The following TMEM94 variants were observed in gnomAD, a reference collection of about 807,000 sequenced individuals.
TMEM94 encodes the protein transmembrane protein 94.
In TMEM94, 81 loss-of-function variants were observed where a neutral mutation model predicts 158.6. That is an observed-to-expected ratio of 0.51 (90% CI 0.43 to 0.61). TMEM94 has a LOEUF of 0.61. Ranked by LOEUF, TMEM94 falls within the 20% of genes least tolerant of loss-of-function variation. TMEM94 has a pLI of 0.00. For synonymous variants in TMEM94, 751 were observed against 730.7 expected, an observed-to-expected ratio of 1.03 and a Z score of -0.45; for missense variants, 1,435 against 1,762.0, an observed-to-expected ratio of 0.81 and a Z score of 3.32.
At chr17:75,471,546 C>T (rs1490979550) in intron 1 of TMEM94, among the ~76,000 whole-genome samples, 3 of 152,072 alleles carry the variant, frequency 2.0e-5, no homozygotes, top group Non-Finnish European at 2.9e-5. Flanking sequence ...CATGGCAAAA[C>T]CCTGTCTCTA....
At position 75,485,894 on chromosome 17, in the gene TMEM94, C is replaced by T; in HGVS notation, c.168C>T (p.Leu56=). The part of the protein sequence containing the change: ...TWKEVWRSSF[L]HHSNRCSCFH... ...AGGAGGTGTGGAGAAGCAGCTTCCT[C>T]CACCACAGTAACCGCTGCTCCTGCT... The change falls in exon 4 of 32, where the codon CTC becomes CTT. Residue 56 remains leucine (L), a synonymous_variant. Transcript: ENST00000314256. This position sits in a 1 kb window ranked among gnomAD's most constrained non-coding sequence, Gnocchi z 5.5. The T allele has an allele frequency of 1.2e-6, 2 of 1,613,172 alleles. No individual in the cohort carries two copies. The highest frequency in any genetic ancestry group is 8.5e-7 in the Non-Finnish European group (1 of 1,179,648).
rs760923987 is a variant in TMEM94, at chr17:75,493,583, G to A, written c.2179G>A (p.Gly727Arg). 7.4e-6 allele frequency: 12 copies of A among 1,613,856 alleles called. No homozygotes were observed. In the Admixed American group the frequency reaches 1.0e-4, roughly 13 times the overall value. The change falls in exon 17 of 32, where the codon GGA becomes AGA. Residue 727 changes from glycine to arginine, a missense_variant. By Grantham distance (125) the Gly-to-Arg change is moderately radical. Around this residue, in one of 3 missense-constraint regions of TMEM94, gnomAD observed 1,051 missense variants for 1,254.4 expected, o/e 0.84. Transcript: ENST00000314256. ...WDGADIYPLSGSDRKKVLDFY... is the reference protein window; with the variant it reads ...WDGADIYPLSRSDRKKVLDFY... ...CGGAGCTGACATCTACCCTCTCTCGGGATCTGACAGGTGGGTGAGGAAGCA... is the reference window on the plus strand; with the variant it reads ...CGGAGCTGACATCTACCCTCTCTCGAGATCTGACAGGTGGGTGAGGAAGCA...
At chr17:75,464,610 CCTTT>C (rs869299716) in intron 1 of TMEM94, among the ~76,000 whole-genome samples, 4 of 75,894 alleles carry the variant, frequency 5.3e-5, no homozygotes, top group East Asian at 4.2e-4. Flanking sequence ...TTCTTTCCTT[CCTTT>C]CTTTCTTTCC....
chr17:75,460,203 T>C (rs1038117184), intron 1 of TMEM94, among the ~76,000 whole-genome samples: 1 of 152,098 alleles, frequency 6.6e-6, no homozygotes, highest in Non-Finnish European at 1.5e-5. Flanking sequence ...GTGAGGGGTG[T>C]CAGAGAGAAG....
Position 75,491,503 on chromosome 17 carries a change from GGCT to G in TMEM94, c.1386+50_1386+52del, listed in dbSNP as rs754512907. The G allele has an allele frequency of 1.9e-6, 3 of 1,613,374 alleles. No individual in the cohort carries two copies. In the East Asian group the frequency reaches 6.7e-5, roughly 36 times the overall value. ...CTCCCATGGGCCCGACTCTGGGCCA[GGCT>G]GTTTAGCCTTGGAGCCTGGCCAGGG... On this transcript the variant is annotated intron_variant, in intron 13 of 31. Coordinates refer to ENST00000314256, the MANE Select transcript of TMEM94 (RefSeq NM_014738.6). The surrounding 1 kb of genome is among the most constrained non-coding windows in gnomAD (Gnocchi z 5.1).
chr17:75,465,651 ATT>A (rs34178189), intron 1 of TMEM94, among the ~76,000 whole-genome samples: 1 of 119,856 alleles, frequency 8.3e-6, no homozygotes, highest in East Asian at 2.1e-4. Flanking sequence ...AGCTATAAGA[ATT>A]TTTATATATA....
chr17:75,496,916 T>TC, intron 25 of TMEM94, 109 bp downstream of exon 25: 6 of 1,261,804 alleles, frequency 4.8e-6, no homozygotes, highest in Middle Eastern at 2.5e-4. Context: ...AGTCAAGGGG[T>TC]CCCCCCAGAG....
chr17:75,457,877 G>A (rs2049942501), intron 1 of TMEM94, among the ~76,000 whole-genome samples: 1 of 152,104 alleles, frequency 6.6e-6, no homozygotes, highest in Non-Finnish European at 1.5e-5. Context: ...GTGACCTGAG[G>A]AGATCAAGTT....
chr17:75,478,003 C>CTTTTTTT lies in TMEM94; in HGVS notation c.24+6098_24+6104dup, dbSNP rs909668190. On this transcript the variant is annotated intron_variant, in intron 2 of 31. Transcript: ENST00000314256. ...CCTGGGCAACAAAGCGAGACTCCAT[C>CTTTTTTT]TTTTTTTTTTTTTTTTTTTTTTTTT... is the stretch of plus-strand genomic sequence containing the variant. Among the ~76,000 whole-genome samples, 459 of 57,914 alleles carry CTTTTTTT rather than the reference C, an allele frequency of 7.9e-3. 96 individuals are homozygous for CTTTTTTT. The highest frequency in any genetic ancestry group is 0.033 in the African/African-American group (316 of 9,556). 38.0% of individuals were successfully genotyped at this position (57,914 alleles called of 152,430 possible). A position where few individuals can be genotyped will look rare whatever the true frequency, so the allele number is the denominator to read the frequency against.
chr17:75,491,705 C>T lies in TMEM94; in HGVS notation c.1401C>T (p.Asp467=), dbSNP rs770442538. 9.9e-6 allele frequency: 16 copies of T among 1,614,064 alleles called. No homozygotes were observed. Among genetic ancestry groups the T allele is most frequent in the East Asian group, 4.5e-5 (2 of 44,886 alleles). ...SFCHPEPHER[D]ALLAGSLNNT... ...ATTCTCTTCAGCCCCATGAACGAGA[C>T]GCCCTCCTGGCTGGCTCCCTGAACA... Residue 467 remains aspartate (D), a synonymous_variant, in exon 14 of 32, where the codon GAC becomes GAT. Coordinates refer to ENST00000314256, the MANE Select transcript of TMEM94 (RefSeq NM_014738.6). This position sits in a 1 kb window ranked among gnomAD's most constrained non-coding sequence, Gnocchi z 5.1.
intron 11 of TMEM94, 89 bp from the exon 12 acceptor site, chr17:75,490,960 G>A: frequency 8.8e-7 from 1 of 1,138,108 alleles, no homozygotes; most frequent in Admixed American, 2.2e-5. Flanking sequence ...CAACTTCGTG[G>A]TGCTCCCCTG....
intron 2 of TMEM94, among the ~76,000 whole-genome samples, chr17:75,474,926 T>G (rs1314639992): frequency 6.6e-6 from 1 of 151,982 alleles, no homozygotes; most frequent in Non-Finnish European, 1.5e-5. Flanking sequence ...GGCTCCCTTC[T>G]CCATTTGCTG....
chr17:75,486,737 G>A (rs1402688248), intron 5 of TMEM94, among the ~76,000 whole-genome samples: 2 of 152,186 alleles, frequency 1.3e-5, no homozygotes, highest in African/African-American at 4.8e-5. Flanking sequence ...GATGATTGAA[G>A]TTTTCTCGTT....
chr17:75,465,215 T>G (rs1303241966), intron 1 of TMEM94, among the ~76,000 whole-genome samples: 1 of 152,122 alleles, frequency 6.6e-6, no homozygotes, highest in Non-Finnish European at 1.5e-5. Context: ...TCTTGCTATG[T>G]TGCCCAGGCT....
intron 1 of TMEM94, among the ~76,000 whole-genome samples, chr17:75,463,739 C>G (rs1399826857): frequency 2.0e-5 from 3 of 152,170 alleles, no homozygotes; most frequent in African/African-American, 7.2e-5. Context: ...TCACTTCAGC[C>G]TGTTGAGAGC....
At chr17:75,470,022 G>A (rs1397968897) in intron 1 of TMEM94, among the ~76,000 whole-genome samples, 1 of 151,980 alleles carries the variant, frequency 6.6e-6, no homozygotes, top group East Asian at 2.0e-4. Flanking sequence ...GCAGTGAGCC[G>A]AGATCATGCC....
Position 75,489,396 on chromosome 17 carries a change from G to C in TMEM94, c.867+28G>C, listed in dbSNP as rs536297767. The C allele has an allele frequency of 1.2e-6, 2 of 1,603,206 alleles. No individual in the cohort carries two copies. The highest frequency in any genetic ancestry group is 2.7e-5 in the African/African-American group (2 of 74,834). Reference sequence around the variant, plus strand: ...GCGTGTGGCGGGGCTGTGCGGGGCTGCATGGGGCAGAGGAGAGGGCTGGAC... The same window carrying C: ...GCGTGTGGCGGGGCTGTGCGGGGCTCCATGGGGCAGAGGAGAGGGCTGGAC... On this transcript the variant is annotated intron_variant, in intron 8 of 31. Transcript: ENST00000314256. This position sits in a 1 kb window ranked among gnomAD's most constrained non-coding sequence, Gnocchi z 5.0.
At chr17:75,496,970 A>G in intron 25 of TMEM94, 143 bp from the exon 26 acceptor site, 1 of 997,038 alleles carries the variant, frequency 1.0e-6, no homozygotes, top group Non-Finnish European at 1.5e-6. Flanking sequence ...CCTCATTGGC[A>G]GAAGAGTATT....
chr17:75,494,689 A>G lies in TMEM94; in HGVS notation c.2470A>G (p.Met824Val). The G allele has an allele frequency of 1.2e-6, 2 of 1,613,764 alleles. No individual in the cohort carries two copies. The highest frequency in any genetic ancestry group is 1.3e-5 in the African/African-American group (1 of 75,046). Residue 824 changes from methionine (M) to valine (V), a missense_variant, in exon 19 of 32, where the codon ATG (methionine) becomes GTG (valine). Transcript: ENST00000314256. Reference sequence around the variant, plus strand: ...GCAGGCCCTGAGCGGCCAGATCTTCATGGGCATGGTGTCCTCCCAGTACCA... The same window carrying G: ...GCAGGCCCTGAGCGGCCAGATCTTCGTGGGCATGGTGTCCTCCCAGTACCA... The part of the protein sequence containing the change: ...CMQALSGQIF[M>V]GMVSSQYQAR...
Sources: allele counts gnomAD v4.1 joint callset (sites outside exome capture counted in the v4.1 genomes callset), GRCh38; gene constraint gnomAD v4.1.1; regional missense constraint gnomAD v4.1.1; non-coding constraint Gnocchi (gnomAD v3.1); transcripts MANE v1.5; gene names NCBI Gene and HGNC (gene_info 2026-07-23, HGNC 2026-07-21).